Variants in PALM2AKAP2 observed in about 807,000 individuals in gnomAD.
The protein encoded by PALM2AKAP2 is PALM2-AKAP2 fusion protein.
A neutral mutation model predicts 71.5 loss-of-function variants in PALM2AKAP2; 37 were observed. The ratio of observed to expected loss-of-function variants is 0.52; its 90% CI spans 0.40 to 0.68. The LOEUF is 0.68. PALM2AKAP2 is among the 30% of genes least tolerant of loss of function. The pLI is 0.00. For missense variants in PALM2AKAP2, 1,224 were observed against 1,191.8 expected (o/e 1.03, Z -0.40); for synonymous variants, 468 against 478.8 (o/e 0.98, Z 0.29).
chr9:110,079,262 G>A (rs560889895), intron 1 of PALM2AKAP2, among the ~76,000 whole-genome samples: 55 of 152,060 alleles, frequency 3.6e-4, no homozygotes, highest in African/African-American at 1.1e-3. Flanking sequence ...TTGGGAGGCC[G>A]AGGTGGGTAG....
chr9:109,898,412 A>C (rs1479184850), intron 3 of PALM2AKAP2, among the ~76,000 whole-genome samples: 3 of 152,216 alleles, frequency 2.0e-5, no homozygotes, highest in African/African-American at 7.2e-5. Flanking sequence ...ATTTGAAAAC[A>C]CATTTTTTTT....
intron 6 of PALM2AKAP2, among the ~76,000 whole-genome samples, chr9:110,000,310 G>C (rs1832659532): frequency 6.6e-6 from 1 of 152,020 alleles, no homozygotes; most frequent in African/African-American, 2.4e-5. Context: ...ATGGTTTCCA[G>C]CTTCATCCAT....
intron 1 of PALM2AKAP2, among the ~76,000 whole-genome samples, chr9:110,093,442 A>T (rs778889518): frequency 1.3e-5 from 2 of 152,196 alleles, no homozygotes; most frequent in Non-Finnish European, 2.9e-5. Flanking sequence ...AGCCAGGAGA[A>T]AAGAAAAAGA....
intron 6 of PALM2AKAP2, among the ~76,000 whole-genome samples, chr9:109,955,662 A>G (rs775376895): frequency 6.6e-6 from 1 of 152,162 alleles, no homozygotes; most frequent in Non-Finnish European, 1.5e-5. Context: ...TCTTCCTAAG[A>G]GCAATAATCC....
intron 6 of PALM2AKAP2, among the ~76,000 whole-genome samples, chr9:109,951,049 G>A (rs56153346): frequency 0.048 from 7,275 of 152,294 alleles, 278 homozygotes; most frequent in Admixed American, 0.11. Context: ...TCTATTCTTT[G>A]CAGGGTTCTG....
chr9:110,129,489 C>T (rs750339523), intron 1 of PALM2AKAP2, among the ~76,000 whole-genome samples: 6 of 152,220 alleles, frequency 3.9e-5, no homozygotes, highest in African/African-American at 7.2e-5. Flanking sequence ...TCTTGGGAAA[C>T]GTCCCTCTAT....
At chr9:110,015,596 A>G (rs1362381435) in intron 6 of PALM2AKAP2, among the ~76,000 whole-genome samples, 1 of 152,162 alleles carries the variant, frequency 6.6e-6, no homozygotes, top group Non-Finnish European at 1.5e-5. Context: ...ACAAGAGTGC[A>G]ACTTGGTCTC....
At position 110,136,856 on chromosome 9, in the gene PALM2AKAP2, A is replaced by G. The variant is rs1835888970; in HGVS notation, c.886A>G (p.Arg296Gly). 3 of 1,614,078 alleles carry G rather than the reference A, an allele frequency of 1.9e-6. No homozygotes were observed. The highest frequency in any genetic ancestry group is 3.3e-5 in the Admixed American group (2 of 60,018). ...GCATGAGAAAGAACAATACTGCATT[A>G]GAAAAGTGAGGCCTTCAGAGGAGAT... Residue 296 changes from arginine to glycine, a missense_variant, in exon 2 of 4, where the codon AGA becomes GGA. Arg to Gly is a moderately radical substitution (Grantham distance 125). Transcript: ENST00000374525.
At chr9:110,059,026 A>G (rs1282865916) in intron 1 of PALM2AKAP2, among the ~76,000 whole-genome samples, 1 of 148,126 alleles carries the variant, frequency 6.8e-6, no homozygotes, top group African/African-American at 2.5e-5. Flanking sequence ...CAGCCTCCCT[A>G]GTAGCAGGGA....
intron 1 of PALM2AKAP2, among the ~76,000 whole-genome samples, chr9:109,667,814 A>G (rs1216535179): frequency 6.6e-6 from 1 of 152,236 alleles, no homozygotes; most frequent in Non-Finnish European, 1.5e-5. Flanking sequence ...AACAACAACA[A>G]TAAGGTAAAT....
chr9:109,762,144 C>T (rs928648472), intron 1 of PALM2AKAP2, among the ~76,000 whole-genome samples: 1 of 148,346 alleles, frequency 6.7e-6, no homozygotes, highest in Non-Finnish European at 1.5e-5. Context: ...CCTCAAGGAT[C>T]TAGAAGGACA....
chr9:110,007,053 C>A (rs1016078737), intron 6 of PALM2AKAP2, among the ~76,000 whole-genome samples: 1 of 152,012 alleles, frequency 6.6e-6, no homozygotes, highest in African/African-American at 2.4e-5. Context: ...GTAGGGGGTG[C>A]TTTGGGGAAA....
intron 6 of PALM2AKAP2, among the ~76,000 whole-genome samples, chr9:109,995,330 G>A (rs1832552868): frequency 6.6e-6 from 1 of 152,228 alleles, no homozygotes; most frequent in African/African-American, 2.4e-5. Flanking sequence ...CTCCCAGACT[G>A]CCTGATGGCA....
Position 109,992,960 on chromosome 9 carries a change from G to T in PALM2AKAP2, c.497-22994G>T, listed in dbSNP as rs563497606. ...ATATGTATATATATATATATAGAGA[G>T]AGAGAGAGAGAGAGAGAGCAGAGAG... On this transcript the variant is annotated intron_variant, in intron 6 of 9. Coordinates refer to the PALM2AKAP2 transcript ENST00000302798. Among the ~76,000 whole-genome samples, 1,176 of 145,704 alleles carry T rather than the reference G, an allele frequency of 8.1e-3. 3 individuals carry two copies. Among genetic ancestry groups the T allele is most frequent in the Non-Finnish European group, 0.011 (732 of 65,590 alleles).
chr9:109,971,812 G>A (rs956558446), intron 6 of PALM2AKAP2, among the ~76,000 whole-genome samples: 19 of 152,200 alleles, frequency 1.2e-4, no homozygotes, highest in African/African-American at 4.1e-4. Flanking sequence ...TGTGTTTCTA[G>A]GCATGTGACC....
At chr9:109,831,198 A>C (rs1828292792) in intron 1 of PALM2AKAP2, among the ~76,000 whole-genome samples, 1 of 151,316 alleles carries the variant, frequency 6.6e-6, no homozygotes, top group Non-Finnish European at 1.5e-5. Flanking sequence ...TAAATAGGGC[A>C]CACGTATTCT....
chr9:110,139,044 G>A (rs7048813), intron 2 of PALM2AKAP2, among the ~76,000 whole-genome samples: 72,930 of 152,050 alleles, frequency 0.48, 17,764 homozygotes, highest in African/African-American at 0.57. Context: ...ACTGGTCCAT[G>A]CAAAATGCTT....
chr9:110,014,811 TA>T (rs1564260629), intron 6 of PALM2AKAP2, among the ~76,000 whole-genome samples: 2 of 11,212 alleles, frequency 1.8e-4, no homozygotes, highest in Non-Finnish European at 3.9e-4. Flanking sequence ...AAAATGTATA[TA>T]TATATATATA....
chr9:110,030,481 G>A (rs989036716), intron 7 of PALM2AKAP2, among the ~76,000 whole-genome samples: 2 of 152,192 alleles, frequency 1.3e-5, no homozygotes, highest in Non-Finnish European at 2.9e-5. Context: ...AGAGACAGAA[G>A]ATTGAGAGAC....
Sources: gnomAD v4.1 joint callset for allele counts (sites outside exome capture counted in the v4.1 genomes callset) on GRCh38, gnomAD v4.1.1 for gene constraint, MANE v1.5 for transcripts, NCBI Gene and HGNC (gene_info 2026-07-23, HGNC 2026-07-21) for gene names.